Variants in ANKS1B observed in about 807,000 individuals in gnomAD.
The protein encoded by ANKS1B is ankyrin repeat and sterile alpha motif domain-containing protein 1B.
In ANKS1B, 36 loss-of-function variants were observed where a neutral mutation model predicts 148.3. The observed-to-expected ratio is 0.24, with a 90% CI of 0.19 to 0.32. ANKS1B has a LOEUF of 0.32. ANKS1B is among the 10% of genes least tolerant of loss of function. The pLI is 1.00. For synonymous variants in ANKS1B, 542 were observed against 560.8 expected (o/e 0.97, Z 0.47); for missense variants, 1,157 against 1,542.6 (o/e 0.75, Z 4.19).
intron 3 of ANKS1B, among the ~76,000 whole-genome samples, chr12:99,810,327 C>T (rs2068182636): frequency 6.6e-6 from 1 of 151,860 alleles, no homozygotes; most frequent in African/African-American, 2.4e-5. Flanking sequence ...TGCTAATTAC[C>T]ATTTTTATTT....
At chr12:99,932,651 AG>A (rs1312059213) in intron 1 of ANKS1B, among the ~76,000 whole-genome samples, 2 of 151,746 alleles carry the variant, frequency 1.3e-5, no homozygotes, top group African/African-American at 4.8e-5. Context: ...GAGTTGTTTG[AG>A]CTCCTTATAT....
intron 17 of ANKS1B, among the ~76,000 whole-genome samples, chr12:99,034,026 G>A (rs560131772): frequency 4.6e-5 from 7 of 152,208 alleles, no homozygotes; most frequent in African/African-American, 1.4e-4. Flanking sequence ...TGGCAGGTGC[G>A]AAAGGGAATG....
chr12:99,174,191 G>GT (rs2078111469), intron 14 of ANKS1B, among the ~76,000 whole-genome samples: 1 of 152,122 alleles, frequency 6.6e-6, no homozygotes, highest in East Asian at 1.9e-4. Context: ...AAGAAAGGAG[G>GT]CCCTCAGTCC....
intron 17 of ANKS1B, among the ~76,000 whole-genome samples, chr12:99,022,467 G>A (rs764480751): frequency 2.4e-4 from 36 of 152,264 alleles, no homozygotes; most frequent in South Asian, 2.1e-4. Flanking sequence ...ACTATGTATC[G>A]TTGTGAATAA....
At chr12:99,524,699 T>C (rs2096909221) in intron 9 of ANKS1B, among the ~76,000 whole-genome samples, 1 of 152,138 alleles carries the variant, frequency 6.6e-6, no homozygotes, top group Non-Finnish European at 1.5e-5. Flanking sequence ...CTCACAATCA[T>C]GGCAGAAGAG....
chr12:99,226,591 C>G (rs1399730671), intron 14 of ANKS1B, among the ~76,000 whole-genome samples: 1 of 152,154 alleles, frequency 6.6e-6, no homozygotes, highest in Non-Finnish European at 1.5e-5. Context: ...ACATGTCACA[C>G]GGACAAACGT....
At chr12:99,602,916 C>T (rs2097816730) in intron 9 of ANKS1B, among the ~76,000 whole-genome samples, 1 of 152,080 alleles carries the variant, frequency 6.6e-6, no homozygotes, top group Non-Finnish European at 1.5e-5. Flanking sequence ...TCATCTGACA[C>T]ATAATTTTTC....
intron 12 of ANKS1B, among the ~76,000 whole-genome samples, chr12:99,384,298 T>C (rs1368514756): frequency 1.3e-5 from 2 of 152,174 alleles, no homozygotes; most frequent in Non-Finnish European, 2.9e-5. Context: ...ACAAGTTTCC[T>C]AACCACGGTG....
At chr12:99,473,453 C>T (rs1229135403) in intron 10 of ANKS1B, among the ~76,000 whole-genome samples, 1 of 151,956 alleles carries the variant, frequency 6.6e-6, no homozygotes, top group African/African-American at 2.4e-5. Context: ...AAGAGCCATA[C>T]CTAGTAGTAC....
At chr12:99,430,908 C>T (rs1196955587) in intron 11 of ANKS1B, among the ~76,000 whole-genome samples, 1 of 152,132 alleles carries the variant, frequency 6.6e-6, no homozygotes, top group Non-Finnish European at 1.5e-5. Flanking sequence ...CATTTGGTTT[C>T]AATTTGTCTA....
intron 11 of ANKS1B, among the ~76,000 whole-genome samples, chr12:99,443,035 C>G (rs1289140318): frequency 5.3e-5 from 8 of 151,736 alleles, no homozygotes; most frequent in Admixed American, 4.6e-4. Context: ...CAGCTTGTCC[C>G]AATGATATTT....
At chr12:99,371,482 A>G (rs1593299248) in intron 12 of ANKS1B, among the ~76,000 whole-genome samples, 1 of 152,144 alleles carries the variant, frequency 6.6e-6, no homozygotes, top group African/African-American at 2.4e-5. Flanking sequence ...TTAGTTGCTA[A>G]TCTATTTCTT....
intron 15 of ANKS1B, among the ~76,000 whole-genome samples, chr12:99,139,326 TTC>T (rs1257636792): frequency 9.8e-6 from 1 of 101,834 alleles, no homozygotes. Context: ...CTTCTCTCCT[TTC>T]TCTCTTTCCC....
chr12:99,041,575 T>C (rs750119265), intron 17 of ANKS1B, among the ~76,000 whole-genome samples: 4 of 152,062 alleles, frequency 2.6e-5, no homozygotes, highest in African/African-American at 4.8e-5. Flanking sequence ...GTCATTTTTT[T>C]CCCCCCGGTG....
intron 12 of ANKS1B, among the ~76,000 whole-genome samples, chr12:99,360,431 AC>A (rs776315641): frequency 5.9e-5 from 9 of 152,134 alleles, no homozygotes; most frequent in Non-Finnish European, 8.8e-5. Flanking sequence ...AATATACTAT[AC>A]ATAATTGCAT....
chr12:99,524,209 T>G (rs377705059), intron 9 of ANKS1B, among the ~76,000 whole-genome samples: 1 of 152,234 alleles, frequency 6.6e-6, no homozygotes, highest in African/African-American at 2.4e-5. Flanking sequence ...AACATGAATA[T>G]GAAATCAGAA....
chr12:98,922,994 T>TC (rs2099803480), intron 17 of ANKS1B, among the ~76,000 whole-genome samples: 2 of 152,102 alleles, frequency 1.3e-5, no homozygotes, highest in Non-Finnish European at 2.9e-5. Flanking sequence ...TGTGTTTTTT[T>TC]CCCACCAAAG....
intron 19 of ANKS1B, among the ~76,000 whole-genome samples, chr12:98,820,240 A>G (rs576494818): frequency 1.3e-5 from 2 of 152,350 alleles, no homozygotes; most frequent in Middle Eastern, 3.4e-3. Flanking sequence ...GGCTGCTGGC[A>G]TTGGAATCCT....
At chr12:99,317,065 C>T (rs2084254268) in intron 12 of ANKS1B, among the ~76,000 whole-genome samples, 2 of 152,190 alleles carry the variant, frequency 1.3e-5, no homozygotes, top group Admixed American at 1.3e-4. Flanking sequence ...GTTTTGGTTA[C>T]TGTAGCCTTG....
Sources: allele counts gnomAD v4.1 joint callset (sites outside exome capture counted in the v4.1 genomes callset), GRCh38; gene constraint gnomAD v4.1.1; transcripts MANE v1.5; gene names NCBI Gene and HGNC (gene_info 2026-07-23, HGNC 2026-07-21).